NCOR1: variants seen among roughly 807,000 people sequenced by gnomAD.
NCOR1 encodes the protein protein phosphatase 1, regulatory subunit 109.
NCOR1 carries 63 observed loss-of-function variants against 288.1 expected under a neutral mutation model. The observed-to-expected ratio is 0.22, with a 90% CI of 0.18 to 0.27. The LOEUF (loss-of-function observed/expected upper bound fraction) is 0.27, where lower values mean the gene tolerates loss of function less well. Among genes scored for constraint, NCOR1 ranks in the 10% least tolerant of loss-of-function variants. NCOR1 has a pLI of 1.00. For synonymous variants in NCOR1, 1,007 were observed against 1,065.9 expected (o/e 0.94, Z 1.08); for missense variants, 2,397 against 3,019.2 (o/e 0.79, Z 4.83).
At chr17:16,139,330 C>T in intron 11 of NCOR1, 144 bp from the exon 12 acceptor site, 1 of 544,030 alleles carries the variant, frequency 1.8e-6, no homozygotes. Flanking sequence ...ATCTAACATA[C>T]AATAATTACT....
At chr17:16,080,203 T>G in intron 25 of NCOR1, 139 bp from the exon 26 acceptor site, 1 of 806,508 alleles carries the variant, frequency 1.2e-6, no homozygotes, top group Non-Finnish European at 1.9e-6. Context: ...TTTGTTTTAT[T>G]AAAATGTACT....
At chr17:16,175,282 C>T (rs748942333) in intron 3 of NCOR1, among the ~76,000 whole-genome samples, 8 of 151,894 alleles carry the variant, frequency 5.3e-5, no homozygotes, top group Non-Finnish European at 1.2e-4. Context: ...GCAGGAGAAT[C>T]GCTTGAACCC....
chr17:16,086,275 G>A lies in NCOR1; in HGVS notation c.3177+7C>T, dbSNP rs563802536. The A allele has an allele frequency of 2.1e-5, 34 of 1,612,866 alleles. No homozygotes were observed. Among genetic ancestry groups the A allele is most frequent in the East Asian group, 2.2e-5 (1 of 44,880 alleles). On this transcript the variant is annotated splice_region_variant and intron_variant, in intron 23 of 45. Coordinates refer to ENST00000268712, the MANE Select transcript of NCOR1 (RefSeq NM_006311.4). Reference sequence around the variant, plus strand: ...AAGAAATCTACTGTAAAGAGAAGTCGTTTCACCTGTGAGATGGAGCCTCCC... The same window carrying A: ...AAGAAATCTACTGTAAAGAGAAGTCATTTCACCTGTGAGATGGAGCCTCCC...
intron 2 of NCOR1, among the ~76,000 whole-genome samples, chr17:16,191,414 G>C (rs2088253785): frequency 6.6e-6 from 1 of 151,916 alleles, no homozygotes; most frequent in Non-Finnish European, 1.5e-5. Context: ...CTCTTTACAG[G>C]AATATAACAA....
chr17:16,158,938 C>A, intron 5 of NCOR1, 65 bp from the exon 6 acceptor site: 2 of 1,088,836 alleles, frequency 1.8e-6, no homozygotes, highest in East Asian at 2.4e-5. Context: ...TGATTAACCA[C>A]TGGAGATAAC....
Position 16,195,348 on chromosome 17 carries a change from G to A in NCOR1, c.-70-709C>T, listed in dbSNP as rs185069494. On this transcript the variant is annotated intron_variant, in intron 1 of 45. Coordinates refer to ENST00000268712, the MANE Select transcript of NCOR1 (RefSeq NM_006311.4). ...TAGCCGGGCACGGTGACATGCGTCTGTAATCCCAGCTACTTGGGAGGCTGA... is the reference window on the plus strand; with the variant it reads ...TAGCCGGGCACGGTGACATGCGTCTATAATCCCAGCTACTTGGGAGGCTGA... Among the ~76,000 whole-genome samples, 40 of 152,232 alleles carry A rather than the reference G, an allele frequency of 2.6e-4. No individual in the cohort carries two copies. The East Asian group carries it at 7.3e-3, about 28-fold the overall frequency.
intron 9 of NCOR1, 59 bp from the exon 10 acceptor site, chr17:16,146,607 C>A (rs1486790652): frequency 7.2e-7 from 1 of 1,391,388 alleles, no homozygotes; most frequent in South Asian, 1.5e-5. Flanking sequence ...TCTGACAAAC[C>A]TAATACTTTA....
intron 14 of NCOR1, among the ~76,000 whole-genome samples, chr17:16,136,108 T>C (rs2076358538): frequency 1.3e-5 from 2 of 152,226 alleles, no homozygotes; most frequent in African/African-American, 4.8e-5. Flanking sequence ...GAAAATCATT[T>C]TGAAATTACT....
intron 3 of NCOR1, 127 bp downstream of exon 3, chr17:16,186,427 C>T: frequency 1.0e-6 from 1 of 999,156 alleles, no homozygotes; most frequent in South Asian, 2.0e-5. Context: ...CAAAAAAGAA[C>T]TCAAAATGCA....
At chr17:16,111,419 T>C (rs2153075789) in intron 18 of NCOR1, among the ~76,000 whole-genome samples, 1 of 152,016 alleles carries the variant, frequency 6.6e-6, no homozygotes, top group East Asian at 1.9e-4. Context: ...CTGGCCAACA[T>C]GGTGAAACCC....
In NCOR1 at chr17:16,084,993, C is replaced by T. The variant is rs2083142369; in HGVS notation, c.3177+1289G>A. Among the ~76,000 whole-genome samples, 3 of 152,106 alleles carry T rather than the reference C, an allele frequency of 2.0e-5. 1 individual carries two copies. The South Asian group carries it at 6.2e-4, about 32-fold the overall frequency. On this transcript the variant is annotated intron_variant, in intron 23 of 45. Coordinates refer to ENST00000268712, the MANE Select transcript of NCOR1 (RefSeq NM_006311.4). ...AAATTTGAAACTTCTCATCAAAATACCAGTAAGAAAATAAACAGACAAAAA... is the reference window on the plus strand; with the variant it reads ...AAATTTGAAACTTCTCATCAAAATATCAGTAAGAAAATAAACAGACAAAAA...
Position 16,057,618 on chromosome 17 carries a change from T to C in NCOR1, c.6288A>G (p.Lys2096=). ...ATTCTGGGCTGTAACGGTTTGATGT[T>C]TTAGTCCTCACAGGTGTAGATACCA... is the stretch of plus-strand genomic sequence containing the variant. ...SALVSTPVRT[K]TSNRYSPESQ... The change falls in exon 40 of 46, where the codon AAA becomes AAG. Residue 2096 remains lysine, a synonymous_variant. Coordinates refer to ENST00000268712, the MANE Select transcript of NCOR1 (RefSeq NM_006311.4). The C allele has an allele frequency of 6.2e-7, 1 of 1,614,152 alleles. No individual in the cohort carries two copies. Among genetic ancestry groups the C allele is most frequent in the Non-Finnish European group, 8.5e-7 (1 of 1,180,008 alleles).
At chr17:16,081,187 T>C (rs2063336941) in intron 23 of NCOR1, among the ~76,000 whole-genome samples, 2 of 148,832 alleles carry the variant, frequency 1.3e-5, no homozygotes, top group Admixed American at 1.4e-4. Flanking sequence ...TTCTTTTCTT[T>C]TCTTTTGTTT....
In NCOR1 at chr17:16,070,531, G is replaced by A. The variant is rs367758302; in HGVS notation, c.4153-6C>T. 1.8e-5 allele frequency: 29 copies of A among 1,609,960 alleles called. No homozygotes were observed. The Middle Eastern group carries it at 5.0e-4, about 28-fold the overall frequency. The stretch of plus-strand genomic sequence containing the variant: ...TCAAACTTTATTGGTGTGCCCTAAA[G>A]GGAAAGAAACAAACATTACAGGTAG... On this transcript the variant is annotated splice_region_variant and splice_polypyrimidine_tract_variant and intron_variant, in intron 30 of 45. Transcript: ENST00000268712.
chr17:16,107,860 A>G (rs2069109589), intron 19 of NCOR1, among the ~76,000 whole-genome samples: 1 of 152,164 alleles, frequency 6.6e-6, no homozygotes, highest in Non-Finnish European at 1.5e-5. Flanking sequence ...GGGGTTGTTC[A>G]AAGCCAAAAC....
intron 14 of NCOR1, among the ~76,000 whole-genome samples, chr17:16,131,617 C>T (rs1031148174): frequency 8.5e-5 from 13 of 152,132 alleles, no homozygotes; most frequent in Non-Finnish European, 1.6e-4. Flanking sequence ...AATGAAATAC[C>T]GTTTCACTAC....
intron 3 of NCOR1, among the ~76,000 whole-genome samples, chr17:16,180,023 C>T (rs1374500964): frequency 6.7e-6 from 1 of 149,610 alleles, no homozygotes; most frequent in African/African-American, 2.5e-5. Context: ...AACAACACAT[C>T]ACGAAGATTA....
chr17:16,178,218 G>A (rs936391145), intron 3 of NCOR1, among the ~76,000 whole-genome samples: 2 of 142,068 alleles, frequency 1.4e-5, no homozygotes, highest in Non-Finnish European at 1.5e-5. Flanking sequence ...AAATAAAATA[G>A]GCCAGTTGTG....
chr17:16,064,473 C>A (rs566854819), intron 34 of NCOR1, among the ~76,000 whole-genome samples: 1 of 151,664 alleles, frequency 6.6e-6, no homozygotes, highest in East Asian at 1.9e-4. Flanking sequence ...TGTGGTGGCG[C>A]GCACCTGTAA....
Sources: allele counts gnomAD v4.1 joint callset (sites outside exome capture counted in the v4.1 genomes callset), GRCh38; gene constraint gnomAD v4.1.1; transcripts MANE v1.5; gene names NCBI Gene and HGNC (gene_info 2026-07-23, HGNC 2026-07-21).